Variants in DYM observed in about 807,000 individuals in gnomAD.
DYM encodes the protein dymeclin.
Under a neutral mutation model 93.1 loss-of-function variants are expected in DYM, and 78 were observed. The observed-to-expected ratio is 0.84, with a 90% CI of 0.70 to 1.01. The LOEUF (loss-of-function observed/expected upper bound fraction) is 1.01, where lower values mean the gene tolerates loss of function less well. Ranked by LOEUF, DYM falls within the 50% of genes least tolerant of loss-of-function variation. The pLI, the probability that DYM is intolerant of heterozygous loss-of-function variation, is 0.00. For missense variants in DYM, 789 were observed against 845.0 expected (o/e 0.93, Z 0.82); for synonymous variants, 321 against 319.7 (o/e 1.00, Z -0.04).
intron 7 of DYM, 93 bp from the exon 8 acceptor site, chr18:49,332,099 T>TA: frequency 1.0e-5 from 13 of 1,268,770 alleles, no homozygotes; most frequent in Admixed American, 1.9e-5. Flanking sequence ...ATTAACACTA[T>TA]CTGTTAATAC....
intron 8 of DYM, among the ~76,000 whole-genome samples, chr18:49,310,397 G>A (rs568453344): frequency 1.3e-5 from 2 of 152,186 alleles, no homozygotes; most frequent in South Asian, 4.1e-4. Flanking sequence ...AAAAATCTTG[G>A]TATAAAACAT....
intron 3 of DYM, among the ~76,000 whole-genome samples, chr18:49,382,585 G>A (rs771764562): frequency 5.9e-5 from 9 of 152,176 alleles, no homozygotes; most frequent in Admixed American, 2.0e-4. Flanking sequence ...AGGTCCGACA[G>A]GAAAGCAGAA....
chr18:49,190,403 AACTTAAT>A (rs2145668587), intron 14 of DYM, among the ~76,000 whole-genome samples: 2 of 152,326 alleles, frequency 1.3e-5, no homozygotes, highest in South Asian at 4.1e-4. Flanking sequence ...TATCACATGA[AACTTAAT>A]GAAACCACCC....
chr18:49,456,390 G>C (rs1216347491), intron 1 of DYM, among the ~76,000 whole-genome samples: 1 of 152,130 alleles, frequency 6.6e-6, no homozygotes, highest in African/African-American at 2.4e-5. Flanking sequence ...AAGTATTCTG[G>C]GTGGAGGGTT....
At chr18:49,136,450 G>T (rs1039724966) in intron 15 of DYM, among the ~76,000 whole-genome samples, 2 of 152,058 alleles carry the variant, frequency 1.3e-5, no homozygotes, top group Non-Finnish European at 2.9e-5. Context: ...AATTTAGTCT[G>T]GGGGGATAGG....
chr18:49,457,741 C>G (rs2083116857), intron 1 of DYM, among the ~76,000 whole-genome samples: 1 of 152,178 alleles, frequency 6.6e-6, no homozygotes, highest in African/African-American at 2.4e-5. Context: ...AGAGACTTTG[C>G]AGGCGTGATT....
intron 17 of DYM, among the ~76,000 whole-genome samples, chr18:49,081,555 G>C (rs968199010): frequency 1.0e-5 from 1 of 98,080 alleles, no homozygotes; most frequent in African/African-American, 3.3e-5. Context: ...GAGGGGAGAG[G>C]GGAGAGGGGA....
At chr18:49,251,623 G>A (rs748366403) in intron 13 of DYM, among the ~76,000 whole-genome samples, 2 of 152,158 alleles carry the variant, frequency 1.3e-5, no homozygotes, top group Admixed American at 6.5e-5. Context: ...AATTATGTGC[G>A]AGGCCGTTAC....
intron 15 of DYM, among the ~76,000 whole-genome samples, chr18:49,148,766 G>A (rs1393505988): frequency 6.6e-6 from 1 of 152,044 alleles, no homozygotes; most frequent in Non-Finnish European, 1.5e-5. Context: ...CTCCTTTCCA[G>A]CCCCATTACC....
intron 1 of DYM, among the ~76,000 whole-genome samples, chr18:49,453,674 G>C (rs1044158643): frequency 2.0e-5 from 3 of 152,224 alleles, no homozygotes; most frequent in African/African-American, 7.2e-5. Flanking sequence ...ACTGGAAAGA[G>C]AGTTTTCATT....
intron 17 of DYM, among the ~76,000 whole-genome samples, chr18:49,070,997 G>T (rs2076838548): frequency 6.6e-6 from 1 of 152,214 alleles, no homozygotes; most frequent in Admixed American, 6.5e-5. Context: ...ATGAGAGGCT[G>T]TATGGTGGAA....
chr18:49,167,031 T>C lies in DYM; in HGVS notation c.1626-3244A>G, dbSNP rs397858227. Reference sequence around the variant, plus strand: ...GTGTGTGTGTGTGTGTGTGTGTGTGTGTGCGCGCCTGTGTCCCCTATTAGT... The same window carrying C: ...GTGTGTGTGTGTGTGTGTGTGTGTGCGTGCGCGCCTGTGTCCCCTATTAGT... On this transcript the variant is annotated intron_variant, in intron 14 of 17. Transcript: ENST00000675505. Among the ~76,000 whole-genome samples, 363 of 130,886 alleles carry C rather than the reference T, an allele frequency of 2.8e-3. 1 individual carries two copies. Among genetic ancestry groups the C allele is most frequent in the African/African-American group, 9.9e-3 (343 of 34,646 alleles). 85.9% of individuals were successfully genotyped at this position (130,886 alleles called of 152,430 possible). A position where few individuals can be genotyped will look rare whatever the true frequency, so the allele number is the denominator to read the frequency against.
chr18:49,214,805 T>A (rs990232595), intron 13 of DYM, among the ~76,000 whole-genome samples: 31 of 152,300 alleles, frequency 2.0e-4, no homozygotes, highest in African/African-American at 7.2e-4. Context: ...GGGATGATAC[T>A]AATAAACTTG....
chr18:49,324,262 T>G (rs575378247), intron 8 of DYM, among the ~76,000 whole-genome samples: 1 of 151,654 alleles, frequency 6.6e-6, no homozygotes, highest in East Asian at 1.9e-4. Context: ...CCCATAATAC[T>G]GATATCATTG....
In DYM at chr18:49,430,423, T is replaced by C. The variant is rs750145759; in HGVS notation, c.-29A>G. On this transcript the variant is annotated 5_prime_UTR_variant, in exon 2 of 18. The change abolishes the stop of an existing upstream ORF in the 5' untranslated region. Coordinates refer to ENST00000675505, the MANE Select transcript of DYM (RefSeq NM_001353214.3). ...CTAGCTTAAGCAGATAATTTGTCCT[T>C]AAACCTGCATTTCCAAAAGACAACC... 9 of 1,611,566 alleles carry C rather than the reference T, an allele frequency of 5.6e-6. No individual in the cohort carries two copies. In the African/African-American group the frequency reaches 9.3e-5, roughly 17 times the overall value.
intron 15 of DYM, among the ~76,000 whole-genome samples, chr18:49,141,259 C>T (rs2084461589): frequency 6.6e-6 from 1 of 152,176 alleles, no homozygotes. Context: ...CAACTGGACT[C>T]CCAGCCTCAA....
intron 3 of DYM, among the ~76,000 whole-genome samples, chr18:49,380,110 C>T (rs1432613357): frequency 6.6e-6 from 1 of 152,006 alleles, no homozygotes; most frequent in Non-Finnish European, 1.5e-5. Flanking sequence ...AATTGATTAT[C>T]TATGTCTCCA....
At chr18:49,059,193 G>C (rs577696631) in intron 17 of DYM, among the ~76,000 whole-genome samples, 1 of 152,250 alleles carries the variant, frequency 6.6e-6, no homozygotes, top group Non-Finnish European at 1.5e-5. Context: ...AGCTAGTCCC[G>C]TCCACCATGT....
At chr18:49,435,792 AAAAAAC>A (rs373401807) in intron 1 of DYM, among the ~76,000 whole-genome samples, 9 of 152,296 alleles carry the variant, frequency 5.9e-5, no homozygotes, top group South Asian at 2.1e-4. Context: ...TCCATCTCAA[AAAAAAC>A]AAAAACAAAC....
Sources: gnomAD v4.1 joint callset for allele counts (sites outside exome capture counted in the v4.1 genomes callset) on GRCh38, gnomAD v4.1.1 for gene constraint, MANE v1.5 for transcripts, NCBI Gene and HGNC (gene_info 2026-07-23, HGNC 2026-07-21) for gene names.